AFAP1L1: variants seen among roughly 807,000 people sequenced by gnomAD.
AFAP1L1 encodes the protein actin filament associated protein 1 like 1.
Under a neutral mutation model 99.8 loss-of-function variants are expected in AFAP1L1, and 77 were observed. The ratio of observed to expected loss-of-function variants is 0.77; its 90% confidence interval spans 0.64 to 0.93. The LOEUF is 0.93. Among genes scored for constraint, AFAP1L1 ranks in the 40% least tolerant of loss-of-function variants. AFAP1L1 has a pLI of 0.00. For missense variants in AFAP1L1, 893 were observed against 996.8 expected (o/e 0.90, Z 1.40); for synonymous variants, 373 against 395.3 (o/e 0.94, Z 0.67).
chr5:149,323,266 G>A (rs1163765549), intron 15 of AFAP1L1, among the ~76,000 whole-genome samples: 1 of 152,170 alleles, frequency 6.6e-6, no homozygotes, highest in African/African-American at 2.4e-5. Context: ...AAATACCCTG[G>A]AGCCAGCTCC....
At chr5:149,336,642 A>T (rs995641400) in intron 18 of AFAP1L1, among the ~76,000 whole-genome samples, 13 of 152,202 alleles carry the variant, frequency 8.5e-5, no homozygotes, top group African/African-American at 3.1e-4. Flanking sequence ...GGGGCTGAAC[A>T]TGTTAGCTCA....
intron 1 of AFAP1L1, among the ~76,000 whole-genome samples, chr5:149,294,507 G>T (rs1275322177): frequency 1.3e-5 from 2 of 152,210 alleles, no homozygotes; most frequent in Non-Finnish European, 2.9e-5. Context: ...GAAGAGCCCA[G>T]CACTGGCTGA....
chr5:149,294,816 C>CCT (rs1255641526), intron 1 of AFAP1L1, among the ~76,000 whole-genome samples: 2 of 1,148 alleles, frequency 1.7e-3, no homozygotes, highest in African/African-American at 4.0e-3. Context: ...CTGCCCACCT[C>CCT]CCCCCAGCCC....
At chr5:149,334,892 A>G (rs750275520) in intron 17 of AFAP1L1, among the ~76,000 whole-genome samples, 27 of 152,020 alleles carry the variant, frequency 1.8e-4, no homozygotes, top group Middle Eastern at 3.2e-3. Context: ...AAAAAAAAAG[A>G]AAGAAAGGAA....
chr5:149,293,865 C>T (rs2127592475), intron 1 of AFAP1L1, among the ~76,000 whole-genome samples: 1 of 152,270 alleles, frequency 6.6e-6, no homozygotes, highest in South Asian at 2.1e-4. Flanking sequence ...AAAACCAGGG[C>T]TCAAAATTTC....
At chr5:149,334,302 A>G (rs1156743873) in intron 17 of AFAP1L1, among the ~76,000 whole-genome samples, 1 of 152,184 alleles carries the variant, frequency 6.6e-6, no homozygotes, top group East Asian at 1.9e-4. Flanking sequence ...ATGACAGCCA[A>G]GGACAAAACA....
chr5:149,288,729 G>A (rs1215224213), intron 1 of AFAP1L1, among the ~76,000 whole-genome samples: 2 of 152,216 alleles, frequency 1.3e-5, no homozygotes, highest in Non-Finnish European at 2.9e-5. Flanking sequence ...GAAGCGGGTG[G>A]CCTTCCTCTA....
intron 1 of AFAP1L1, among the ~76,000 whole-genome samples, chr5:149,294,548 G>T (rs1755961292): frequency 6.6e-6 from 1 of 152,152 alleles, no homozygotes; most frequent in South Asian, 2.1e-4. Context: ...TGTATATCGG[G>T]TTTTCTCTGG....
At chr5:149,307,705 C>A in intron 7 of AFAP1L1, 92 bp downstream of exon 7, 1 of 1,359,584 alleles carries the variant, frequency 7.4e-7, no homozygotes, top group Non-Finnish European at 1.0e-6. Context: ...CTGCCTTGGG[C>A]ATACCTGGAT....
chr5:149,307,466 G>C lies in AFAP1L1; in HGVS notation c.600G>C (p.Lys200Asn). ...ACGATGAAGAGGAGGAGGAAGGGAAGAGCCCGCAGCCCCGACACCAGTGGC... is the reference window on the plus strand; with the variant it reads ...ACGATGAAGAGGAGGAGGAAGGGAACAGCCCGCAGCCCCGACACCAGTGGC... ...ESYDEEEEEG[K>N]SPQPRHQWPS... The change falls in exon 7 of 19, where the codon AAG (lysine) becomes AAC (asparagine). Residue 200 changes from lysine to asparagine, a missense_variant. By Grantham distance (94) the Lys-to-Asn change is moderately conservative. Coordinates refer to ENST00000296721, the MANE Select transcript of AFAP1L1 (RefSeq NM_152406.4). 1 of 1,614,182 alleles carries C rather than the reference G, an allele frequency of 6.2e-7. No homozygotes were observed.
chr5:149,316,206 G>T lies in AFAP1L1; in HGVS notation c.1170G>T (p.Ala390=). 6.2e-7 allele frequency: 1 copy of T among 1,614,098 alleles called. No individual in the cohort carries two copies. Among genetic ancestry groups the T allele is most frequent in the Non-Finnish European group, 8.5e-7 (1 of 1,180,014 alleles). ...TGAAGGGCTCAATGAGCAGGGCTGC[G>T]GGCCGCAAGATCACCCGTATCATTG... The part of the protein sequence containing the change: ...AELKGSMSRA[A]GRKITRIIGF... Residue 390 remains alanine, a synonymous_variant, in exon 11 of 19, where the codon GCG becomes GCT. Coordinates refer to ENST00000296721, the MANE Select transcript of AFAP1L1 (RefSeq NM_152406.4).
chr5:149,297,766 C>A (rs1756063796), intron 1 of AFAP1L1, among the ~76,000 whole-genome samples: 1 of 152,202 alleles, frequency 6.6e-6, no homozygotes. Flanking sequence ...GGCCCCAGAC[C>A]AGATGATAAG....
chr5:149,308,910 C>T (rs928287737), intron 7 of AFAP1L1, among the ~76,000 whole-genome samples: 43 of 142,856 alleles, frequency 3.0e-4, no homozygotes, highest in African/African-American at 1.1e-3. Flanking sequence ...GCCTGGGCAA[C>T]AAAGCAAGAC....
At chr5:149,329,255 C>G (rs996643111) in intron 15 of AFAP1L1, among the ~76,000 whole-genome samples, 5 of 152,146 alleles carry the variant, frequency 3.3e-5, no homozygotes, top group African/African-American at 1.2e-4. Context: ...TACCACAACT[C>G]TATGAGGTAA....
intron 1 of AFAP1L1, 119 bp from the exon 2 acceptor site, chr5:149,299,390 C>A: frequency 1.4e-6 from 2 of 1,379,594 alleles, no homozygotes; most frequent in Non-Finnish European, 1.9e-6. Flanking sequence ...GGTCCGCTTG[C>A]ACACCCGGAC....
chr5:149,329,975 CTCT>C lies in AFAP1L1; in HGVS notation c.1975+152_1975+154del, dbSNP rs534544852. The C allele has an allele frequency of 5.5e-4, 328 of 598,570 alleles. 1 individual carries two copies. Among genetic ancestry groups the C allele is most frequent in the Non-Finnish European group, 8.2e-4 (299 of 366,510 alleles). 37.1% of individuals were successfully genotyped at this position (598,570 alleles called of 1,614,324 possible). On this transcript the variant is annotated intron_variant, in intron 16 of 18. Transcript: ENST00000296721. ...TCCCCTCCTCCTTCTCCTCCTCCTC[CTCT>C]TCTTCTCCTCTTCATCATTATCATC...
rs762459623 is a variant in AFAP1L1, at chr5:149,320,800, G to A, written c.1698+337G>A. Among the ~76,000 whole-genome samples the A allele has an allele frequency of 6.6e-6, 1 of 152,216 alleles. No individual in the cohort carries two copies. The highest frequency in any genetic ancestry group is 2.4e-5 in the African/African-American group (1 of 41,440). ...TCTGTGAACTTATCCTGCTGATTCC[G>A]TGGTGTCTGGGGCAGGTCCTGACTC... On this transcript the variant is annotated intron_variant, in intron 14 of 18. Transcript: ENST00000296721. This position sits in a 1 kb window ranked among gnomAD's most constrained non-coding sequence, Gnocchi z 4.0.
At chr5:149,301,029 C>A in intron 3 of AFAP1L1, 104 bp from the exon 4 acceptor site, 1 of 886,982 alleles carries the variant, frequency 1.1e-6, no homozygotes, top group Non-Finnish European at 1.8e-6. Flanking sequence ...GGTGGTGGAG[C>A]CCGACCTCAC....
rs527940872 is a variant in AFAP1L1, at chr5:149,320,555, T to C, written c.1698+92T>C. On this transcript the variant is annotated intron_variant, in intron 14 of 18. Coordinates refer to ENST00000296721, the MANE Select transcript of AFAP1L1 (RefSeq NM_152406.4). The surrounding 1 kb of genome is among the most constrained non-coding windows in gnomAD (Gnocchi z 4.0). ...CCCTTTACCTTCTGCCTCAGAAAGA[T>C]CATTTTCATTTAAGCAGCAGTAGCT... 8.5e-4 allele frequency: 1,023 copies of C among 1,198,566 alleles called. 2 individuals are homozygous for C. The highest frequency in any genetic ancestry group is 1.0e-3 in the South Asian group (80 of 79,060). 74.2% of individuals were successfully genotyped at this position (1,198,566 alleles called of 1,614,324 possible). A position where few individuals can be genotyped will look rare whatever the true frequency, so the allele number is the denominator to read the frequency against.
Sources: gnomAD v4.1 joint callset for allele counts (sites outside exome capture counted in the v4.1 genomes callset) on GRCh38, gnomAD v4.1.1 for gene constraint, Gnocchi (gnomAD v3.1) non-coding constraint, MANE v1.5 for transcripts, NCBI Gene and HGNC (gene_info 2026-07-23, HGNC 2026-07-21) for gene names.